Variants in PROX2 observed in about 807,000 individuals in gnomAD.
PROX2 encodes the protein prospero homeobox protein 2.
A neutral mutation model predicts 48.9 loss-of-function variants in PROX2; 46 were observed. The ratio of observed to expected loss-of-function variants is 0.94; its 90% CI spans 0.74 to 1.20. PROX2 has a LOEUF of 1.20. PROX2 is among the 50% of genes most tolerant of loss of function. The pLI, the probability that PROX2 is intolerant of heterozygous loss-of-function variation, is 0.00. For missense variants in PROX2, 663 were observed against 719.4 expected (o/e 0.92, Z 0.90); for synonymous variants, 260 against 276.6 (o/e 0.94, Z 0.60).
rs2091732359 is a variant in PROX2, at chr14:74,855,131, G to A, written c.*1C>T. 1.3e-6 allele frequency: 2 copies of A among 1,546,074 alleles called. No homozygotes were observed. The highest frequency in any genetic ancestry group is 1.2e-5 in the South Asian group (1 of 80,392). ...GTTGTGGGATCTTAACCCCGAAACA[G>A]CTACTGGGGATAGCTGGAAGATTTG... is the stretch of plus-strand genomic sequence containing the variant. On this transcript the variant is annotated 3_prime_UTR_variant, in exon 6 of 6. Coordinates refer to ENST00000556489, the MANE Select transcript of PROX2 (RefSeq NM_001243007.2).
intron 3 of PROX2, among the ~76,000 whole-genome samples, chr14:74,861,638 CCCTT>C (rs1163206334): frequency 6.6e-6 from 1 of 152,184 alleles, no homozygotes; most frequent in Non-Finnish European, 1.5e-5. Flanking sequence ...AGCCTCCTCT[CCCTT>C]CATATGCCCA....
At chr14:74,857,915 A>C (rs917296313) in intron 4 of PROX2, 2 of 152,664 alleles carry the variant, frequency 1.3e-5, no homozygotes, top group Admixed American at 1.3e-4. Flanking sequence ...GGCGCACGCC[A>C]CCACGCCAGC....
chr14:74,857,033 C>T, intron 4 of PROX2, 38 bp from the exon 5 acceptor site: 5 of 1,567,970 alleles, frequency 3.2e-6, no homozygotes, highest in Non-Finnish European at 4.4e-6. Context: ...AGACATTTGC[C>T]ACGAGGTGCT....
chr14:74,870,225 G>C (rs896187610), intron 2 of PROX2, among the ~76,000 whole-genome samples: 2 of 151,252 alleles, frequency 1.3e-5, no homozygotes, highest in Admixed American at 6.6e-5. Context: ...TCAGGAGTTT[G>C]AGAGTAGCCC....
intron 1 of PROX2, among the ~76,000 whole-genome samples, chr14:74,872,504 A>G (rs946248646): frequency 2.6e-5 from 4 of 152,234 alleles, no homozygotes; most frequent in Non-Finnish European, 5.9e-5. Context: ...TTTCATAATA[A>G]TGATGACTTA....
At chr14:74,857,812 G>C (rs2091757923) in intron 4 of PROX2, 1 of 149,346 alleles carries the variant, frequency 6.7e-6, no homozygotes, top group South Asian at 2.1e-4. Context: ...CGCCCAGGCT[G>C]GAGTGCAGTG....
chr14:74,868,608 G>T (rs2140172762), intron 2 of PROX2, among the ~76,000 whole-genome samples: 1 of 151,558 alleles, frequency 6.6e-6, no homozygotes, highest in African/African-American at 2.4e-5. Context: ...GCTGAGGCAG[G>T]CGGATCACGA....
At chr14:74,858,284 A>C (rs2091762629) in intron 4 of PROX2, 123 bp downstream of exon 4, 1 of 608,736 alleles carries the variant, frequency 1.6e-6, no homozygotes, top group South Asian at 2.1e-5. Flanking sequence ...CATTGCTTCC[A>C]TCAGCAACAC....
chr14:74,871,541 A>C (rs965257028), intron 1 of PROX2, among the ~76,000 whole-genome samples: 2 of 151,980 alleles, frequency 1.3e-5, no homozygotes, highest in Non-Finnish European at 2.9e-5. Context: ...TGGGAGGCCA[A>C]GGCTCAAGGA....
chr14:74,862,715 A>G lies in PROX2; in HGVS notation c.1120T>C (p.Ser374Pro), dbSNP rs776159735. 3.7e-6 allele frequency: 6 copies of G among 1,613,804 alleles called. No homozygotes were observed. The highest frequency in any genetic ancestry group is 5.1e-6 in the Non-Finnish European group (6 of 1,179,868). The change falls in exon 3 of 6, where the codon TCC becomes CCC. Residue 374 changes from serine (S) to proline (P), a missense_variant. Physicochemically the swap from Ser to Pro is moderately conservative, Grantham distance 74. Transcript: ENST00000556489. ...CAAGGTCGTAGGGCAGGCTCTGAGG[A>G]GGGGTGCCTCTGGGAAGATGAGTCC... is the stretch of plus-strand genomic sequence containing the variant. ...PQDSSSQRHP[S>P]SEPALRPWRT... is the part of the protein sequence containing the mutation.
chr14:74,860,319 GT>G (rs1157684016), intron 3 of PROX2, among the ~76,000 whole-genome samples: 2 of 152,100 alleles, frequency 1.3e-5, no homozygotes, highest in East Asian at 3.9e-4. Context: ...ACTATACTAA[GT>G]GGGATAAAAT....
At chr14:74,874,388 G>A (rs999107927) in intron 1 of PROX2, 1 of 218,284 alleles carries the variant, frequency 4.6e-6, no homozygotes, top group Non-Finnish European at 9.1e-6. Flanking sequence ...AAGTAGCTGG[G>A]ATTACAGGCG....
chr14:74,858,488 G>T lies in PROX2; in HGVS notation c.1332C>A (p.His444Gln). Residue 444 changes from histidine (H) to glutamine (Q), a missense_variant, in exon 4 of 6, where the codon CAC (histidine) becomes CAA (glutamine). Physicochemically the swap from His to Gln is conservative, Grantham distance 24. Coordinates refer to ENST00000556489, the MANE Select transcript of PROX2 (RefSeq NM_001243007.2). ...VHIQEGLNPGHLKKAKLMFFF... is the reference protein window; with the variant it reads ...VHIQEGLNPGQLKKAKLMFFF... ...AAAACATTAGTTTGGCCTTCTTCAA[G>T]TGACCAGGGTTTAGACCCTCCTGGA... 1 of 1,580,156 alleles carries T rather than the reference G, an allele frequency of 6.3e-7. No homozygotes were observed. The highest frequency in any genetic ancestry group is 8.6e-7 in the Non-Finnish European group (1 of 1,161,336).
chr14:74,868,697 C>G (rs1203040507), intron 2 of PROX2, among the ~76,000 whole-genome samples: 10 of 151,940 alleles, frequency 6.6e-5, no homozygotes, highest in Non-Finnish European at 1.5e-5. Context: ...ATTAGCTGGG[C>G]ATGGTGGCGG....
chr14:74,858,559 A>G (rs746187909), intron 3 of PROX2, 45 bp from the exon 4 acceptor site: 59 of 995,654 alleles, frequency 5.9e-5, no homozygotes, highest in Non-Finnish European at 9.0e-5. Flanking sequence ...ATGCCAGTTT[A>G]TCAATTAACT....
rs763965108 is a variant in PROX2, at chr14:74,855,124, C to T, written c.*8G>A. The T allele has an allele frequency of 2.5e-5, 39 of 1,530,664 alleles. No homozygotes were observed. The highest frequency in any genetic ancestry group is 3.5e-4 in the Middle Eastern group (2 of 5,784). The allele number at this position is 1,530,664 out of a possible 1,614,324, so 94.8% of individuals were successfully genotyped here. A position where few individuals can be genotyped will look rare whatever the true frequency, so the allele number is the denominator to read the frequency against. On this transcript the variant is annotated 3_prime_UTR_variant, in exon 6 of 6. Transcript: ENST00000556489. ...TCCTCACGTTGTGGGATCTTAACCC[C>T]GAAACAGCTACTGGGGATAGCTGGA...
chr14:74,872,097 C>T (rs1883229888), intron 1 of PROX2, among the ~76,000 whole-genome samples: 1 of 152,192 alleles, frequency 6.6e-6, no homozygotes, highest in African/African-American at 2.4e-5. Flanking sequence ...CAGCAAACAC[C>T]TTTGATGCGC....
chr14:74,868,714 G>C (rs1257976432), intron 2 of PROX2, among the ~76,000 whole-genome samples: 1 of 151,950 alleles, frequency 6.6e-6, no homozygotes, highest in African/African-American at 2.4e-5. Flanking sequence ...GCGGGCGCCT[G>C]TAGTCCCAGC....
At chr14:74,875,288 G>A (rs1433795919) in intron 1 of PROX2, among the ~76,000 whole-genome samples, 1 of 152,228 alleles carries the variant, frequency 6.6e-6, no homozygotes, top group East Asian at 1.9e-4. Flanking sequence ...TAAAAACCAA[G>A]GGAAATGTCA....
Sources: gnomAD v4.1 joint callset for allele counts (sites outside exome capture counted in the v4.1 genomes callset) on GRCh38, gnomAD v4.1.1 for gene constraint, MANE v1.5 for transcripts, NCBI Gene and HGNC (gene_info 2026-07-23, HGNC 2026-07-21) for gene names.